RNF217: variants seen among roughly 807,000 people sequenced by gnomAD.
The protein encoded by RNF217 is ring finger protein 217.
In RNF217, 31 loss-of-function variants were observed where a neutral mutation model predicts 57.8. That is an observed-to-expected ratio of 0.54 (90% CI 0.40 to 0.72). The LOEUF (loss-of-function observed/expected upper bound fraction) is 0.72, where lower values mean the gene tolerates loss of function less well. Ranked by LOEUF, RNF217 falls within the 30% of genes least tolerant of loss-of-function variation. The probability of loss-of-function intolerance (pLI) is 0.00; values close to 1 mark genes in which losing one functional copy is unlikely to be tolerated. For missense variants in RNF217, 696 were observed against 708.3 expected (o/e 0.98, Z 0.20); for synonymous variants, 313 against 294.0 (o/e 1.06, Z -0.66).
chr6:125,031,242 G>A (rs1262661616), intron 1 of RNF217, among the ~76,000 whole-genome samples: 1 of 152,238 alleles, frequency 6.6e-6, no homozygotes, highest in Non-Finnish European at 1.5e-5. Context: ...GCTAGGAGCT[G>A]CGATGAAGGC....
intron 1 of RNF217, among the ~76,000 whole-genome samples, chr6:124,982,852 T>A (rs923150258): frequency 1.3e-5 from 2 of 152,202 alleles, no homozygotes; most frequent in Admixed American, 1.3e-4. Context: ...CACTTCCTGG[T>A]GAGAAGAATA....
At chr6:124,994,185 A>G (rs535195505) in intron 1 of RNF217, among the ~76,000 whole-genome samples, 11 of 152,340 alleles carry the variant, frequency 7.2e-5, no homozygotes, top group African/African-American at 2.6e-4. Flanking sequence ...ATAAATGTTT[A>G]AACATATTTT....
intron 1 of RNF217, among the ~76,000 whole-genome samples, chr6:125,037,278 C>G (rs929499773): frequency 1.3e-5 from 2 of 152,098 alleles, no homozygotes; most frequent in Non-Finnish European, 2.9e-5. Context: ...GAGTATTAGT[C>G]TATTCAGGCT....
intron 1 of RNF217, among the ~76,000 whole-genome samples, chr6:125,033,540 C>T (rs1786458553): frequency 6.7e-6 from 1 of 148,766 alleles, no homozygotes; most frequent in Non-Finnish European, 1.5e-5. Flanking sequence ...TTTTTTATGG[C>T]TGCATAGTAT....
chr6:125,001,624 G>A (rs1438500319), intron 1 of RNF217, among the ~76,000 whole-genome samples: 1 of 152,148 alleles, frequency 6.6e-6, no homozygotes, highest in African/African-American at 2.4e-5. Flanking sequence ...TAAAATTAGG[G>A]ATTATTGCTT....
intron 1 of RNF217, among the ~76,000 whole-genome samples, chr6:125,010,132 T>A (rs1785362717): frequency 6.6e-6 from 1 of 152,174 alleles, no homozygotes; most frequent in African/African-American, 2.4e-5. Flanking sequence ...ATCCATTTCA[T>A]GTAACTGAAA....
At chr6:125,038,966 T>G (rs955403999) in intron 1 of RNF217, among the ~76,000 whole-genome samples, 4 of 152,074 alleles carry the variant, frequency 2.6e-5, no homozygotes, top group South Asian at 4.1e-4. Context: ...ATTAGCTGTT[T>G]CTCCTAATGC....
At chr6:124,984,204 C>T (rs1415649034) in intron 1 of RNF217, among the ~76,000 whole-genome samples, 3 of 151,880 alleles carry the variant, frequency 2.0e-5, no homozygotes, top group Non-Finnish European at 2.9e-5. Context: ...ATAATGAGAC[C>T]CACTTGTGTA....
intron 1 of RNF217, among the ~76,000 whole-genome samples, chr6:125,002,521 C>T (rs1785027969): frequency 6.6e-6 from 1 of 152,140 alleles, no homozygotes; most frequent in Non-Finnish European, 1.5e-5. Context: ...TCCTTATTTA[C>T]TTCCAACCTG....
intron 5 of RNF217, chr6:125,082,406 G>A (rs1263606980): frequency 6.5e-7 from 1 of 1,531,888 alleles, no homozygotes; most frequent in Non-Finnish European, 8.8e-7. Flanking sequence ...TGCAATGTGA[G>A]TTAGGACATT....
At chr6:124,975,349 A>G (rs953780008) in intron 1 of RNF217, among the ~76,000 whole-genome samples, 1 of 152,226 alleles carries the variant, frequency 6.6e-6, no homozygotes, top group African/African-American at 2.4e-5. Context: ...TGTTCGTCTA[A>G]GTAGAGCTAT....
chr6:125,057,429 G>A lies in RNF217; in HGVS notation c.1117-513G>A, dbSNP rs774354946. 9.6e-4 allele frequency among the ~76,000 whole-genome samples: 146 copies of A among 152,076 alleles called. 2 individuals carry two copies. The highest frequency in any genetic ancestry group is 4.9e-4 in the Non-Finnish European group (33 of 68,038). ...ACTCCTGACCTCAAGTGATCTAGCCGCCTCAGCCTCCCAAAGTGCTAGGAT... is the reference window on the plus strand; with the variant it reads ...ACTCCTGACCTCAAGTGATCTAGCCACCTCAGCCTCCCAAAGTGCTAGGAT... On this transcript the variant is annotated intron_variant, in intron 2 of 5. Coordinates refer to ENST00000521654, the MANE Select transcript of RNF217 (RefSeq NM_001286398.3).
In RNF217 at chr6:124,963,036, C is replaced by T. The variant is rs1239829631; in HGVS notation, c.492C>T (p.Cys164=). Residue 164 remains cysteine (C), a synonymous_variant, in exon 1 of 6, where the codon TGC becomes TGT. Coordinates refer to ENST00000521654, the MANE Select transcript of RNF217 (RefSeq NM_001286398.3). ...RPSLAKRQVF[C]SVYCVESDLP... is the part of the protein sequence containing the mutation. ...CCCTCGCCAAGAGACAAGTCTTCTG[C>T]TCCGTGTACTGCGTGGAGAGCGACC... 2 of 1,589,430 alleles carry T rather than the reference C, an allele frequency of 1.3e-6. No individual in the cohort carries two copies. The highest frequency in any genetic ancestry group is 1.7e-6 in the Non-Finnish European group (2 of 1,175,904).
chr6:125,078,722 G>A (rs909232606), intron 4 of RNF217, among the ~76,000 whole-genome samples: 5 of 152,060 alleles, frequency 3.3e-5, no homozygotes, highest in Non-Finnish European at 5.9e-5. Context: ...GTGTGCAGGC[G>A]CATGTGTGCA....
chr6:124,977,689 A>G (rs865991476), intron 1 of RNF217, among the ~76,000 whole-genome samples: 6 of 152,208 alleles, frequency 3.9e-5, no homozygotes, highest in South Asian at 2.1e-4. Flanking sequence ...CATTAACAAC[A>G]TGCTGACCTG....
chr6:125,043,769 C>T (rs1023468627), intron 1 of RNF217, among the ~76,000 whole-genome samples: 7 of 151,912 alleles, frequency 4.6e-5, no homozygotes, highest in African/African-American at 1.7e-4. Context: ...GCAGACTCAT[C>T]CAAAAAAATA....
chr6:124,975,802 C>G (rs556238641), intron 1 of RNF217, among the ~76,000 whole-genome samples: 1 of 152,084 alleles, frequency 6.6e-6, no homozygotes, highest in Admixed American at 6.5e-5. Context: ...GCCAGAGATG[C>G]TCTTGGTGGA....
chr6:124,986,797 A>C (rs1420921075), intron 1 of RNF217, among the ~76,000 whole-genome samples: 1 of 152,294 alleles, frequency 6.6e-6, no homozygotes, highest in South Asian at 2.1e-4. Flanking sequence ...TTATTGAGAA[A>C]ATTGAAAATA....
At chr6:125,045,650 G>C (rs778214875) in intron 2 of RNF217, among the ~76,000 whole-genome samples, 12 of 152,186 alleles carry the variant, frequency 7.9e-5, no homozygotes, top group Middle Eastern at 3.4e-3. Context: ...TTTTGTCTTT[G>C]ACTTTAACCA....
Sources: gnomAD v4.1 joint callset for allele counts (sites outside exome capture counted in the v4.1 genomes callset) on GRCh38, gnomAD v4.1.1 for gene constraint, MANE v1.5 for transcripts, NCBI Gene and HGNC (gene_info 2026-07-23, HGNC 2026-07-21) for gene names.